CEP63: variants seen among roughly 807,000 people sequenced by gnomAD.
CEP63 encodes the protein centrosomal protein 63, also known as centrosomal protein of 63 kDa.
CEP63 carries 84 observed loss-of-function variants against 89.1 expected under a neutral mutation model. That is an observed-to-expected ratio of 0.94 (90% CI 0.79 to 1.13). The LOEUF (loss-of-function observed/expected upper bound fraction) is 1.13, where lower values mean the gene tolerates loss of function less well. Ranked by LOEUF, CEP63 falls within the 50% of genes most tolerant of loss-of-function variation. The pLI is 0.00. For synonymous variants in CEP63, 267 were observed against 272.5 expected (o/e 0.98, Z 0.20); for missense variants, 838 against 813.3 (o/e 1.03, Z -0.37).
chr3:134,761,634 G>A, the CEP63 span, among the ~76,000 whole-genome samples: 13,143 of 152,292 alleles, frequency 0.086, 837 homozygotes, highest in South Asian at 0.29. Flanking sequence ...AGAGTGCACT[G>A]GGATGGCTCT....
At chr3:134,734,694 A>T in the CEP63 span, among the ~76,000 whole-genome samples, 2 of 152,218 alleles carry the variant, frequency 1.3e-5, no homozygotes, top group African/African-American at 4.8e-5. Flanking sequence ...TCTGATAATC[A>T]TTGAAGTTCA....
chr3:134,607,072 C>T, the CEP63 span: 8 of 985,210 alleles, frequency 8.1e-6, no homozygotes, highest in African/African-American at 1.4e-4. Flanking sequence ...ATTTTTATGT[C>T]TCTTAAAAAG....
chr3:134,598,261 T>C, the CEP63 span, among the ~76,000 whole-genome samples: 6 of 152,344 alleles, frequency 3.9e-5, no homozygotes, highest in East Asian at 1.2e-3. Flanking sequence ...CTGGGGCCTT[T>C]GTGCATTTTT....
Position 134,561,480 on chromosome 3 carries a change from A to T in CEP63, c.2057A>T (p.Glu686Val). 2 of 1,614,036 alleles carry T rather than the reference A, an allele frequency of 1.2e-6. No individual in the cohort carries two copies. The highest frequency in any genetic ancestry group is 4.5e-5 in the East Asian group (2 of 44,836). Residue 686 changes from glutamate to valine, a missense_variant, in exon 15 of 15, where the codon GAA (glutamate) becomes GTA (valine). Coordinates refer to ENST00000675561, the MANE Select transcript of CEP63 (RefSeq NM_001353108.3). ...CTAGAGCGCTTGGATGCCCATATTG[A>T]AGAACTAAAAAGAGAGAGTGAAAAG... ...HILERLDAHI[E>V]ELKRESEKTV...
chr3:134,650,122 C>T, the CEP63 span, among the ~76,000 whole-genome samples: 2 of 152,270 alleles, frequency 1.3e-5, no homozygotes, highest in East Asian at 1.9e-4. Context: ...CAGAGAGGCC[C>T]GGATCCTGCT....
intron 6 of CEP63, among the ~76,000 whole-genome samples, 197 bp downstream of exon 6, chr3:134,537,465 C>CA (rs1950993599): frequency 1.3e-5 from 2 of 152,142 alleles, no homozygotes; most frequent in South Asian, 4.1e-4. Flanking sequence ...TGCGTGCATT[C>CA]ACTCTCCTGT....
chr3:134,759,919 C>T, the CEP63 span, among the ~76,000 whole-genome samples: 1 of 152,242 alleles, frequency 6.6e-6, no homozygotes, highest in East Asian at 1.9e-4. Flanking sequence ...AGATGAAAAA[C>T]CAGAGCACAG....
At chr3:134,541,489 TAAATG>T (rs1446953727) in intron 6 of CEP63, among the ~76,000 whole-genome samples, 2 of 151,126 alleles carry the variant, frequency 1.3e-5, no homozygotes, top group African/African-American at 4.9e-5. Context: ...TATGGAATGA[TAAATG>T]AACGATACTA....
At chr3:134,656,764 G>A in the CEP63 span, among the ~76,000 whole-genome samples, 2 of 152,146 alleles carry the variant, frequency 1.3e-5, no homozygotes, top group East Asian at 1.9e-4. Flanking sequence ...GAAGGGCCAC[G>A]CCCCAGCTCA....
chr3:134,575,943 G>T (rs570021694), downstream of CEP63, among the ~76,000 whole-genome samples: 16 of 152,156 alleles, frequency 1.1e-4, no homozygotes, highest in African/African-American at 3.9e-4. Context: ...TGCAAAGATT[G>T]TATTAGAAGT....
At chr3:134,485,790 C>A, upstream of CEP63, 1 of 180,406 alleles carries the variant, frequency 5.5e-6, no homozygotes, top group Non-Finnish European at 1.1e-5. Context: ...CTGGGGGTGC[C>A]ACGCAAGTCC....
At chr3:134,768,023 G>C in the CEP63 span, among the ~76,000 whole-genome samples, 1 of 152,234 alleles carries the variant, frequency 6.6e-6, no homozygotes, top group Admixed American at 6.5e-5. Flanking sequence ...TAGAGTGTCA[G>C]AGTGTGCTCT....
chr3:134,625,224 G>A, the CEP63 span: 1 of 994,322 alleles, frequency 1.0e-6, no homozygotes, highest in Non-Finnish European at 1.6e-6. Context: ...GAGGAGCTGT[G>A]ACTGTCCAAC....
At chr3:134,681,792 G>A in the CEP63 span, among the ~76,000 whole-genome samples, 1 of 152,226 alleles carries the variant, frequency 6.6e-6, no homozygotes, top group African/African-American at 2.4e-5. Flanking sequence ...ATTTCACGTG[G>A]ATGATCTCAT....
chr3:134,676,440 C>T, the CEP63 span, among the ~76,000 whole-genome samples: 1 of 152,048 alleles, frequency 6.6e-6, no homozygotes, highest in Non-Finnish European at 1.5e-5. Context: ...GGAAAAATGG[C>T]GGAGTGACTG....
At chr3:134,765,840 G>A in the CEP63 span, among the ~76,000 whole-genome samples, 1 of 152,140 alleles carries the variant, frequency 6.6e-6, no homozygotes, top group Non-Finnish European at 1.5e-5. Flanking sequence ...TGGGGGTGAG[G>A]CCCAATCCGT....
the CEP63 span, among the ~76,000 whole-genome samples, chr3:134,762,230 G>A: frequency 6.6e-6 from 1 of 152,154 alleles, no homozygotes; most frequent in Non-Finnish European, 1.5e-5. Context: ...GAGAGGAAAA[G>A]TGCGTGTCTT....
the CEP63 span, among the ~76,000 whole-genome samples, chr3:134,718,627 C>T: frequency 1.3e-5 from 2 of 152,176 alleles, no homozygotes; most frequent in Admixed American, 1.3e-4. Context: ...CCTGAATTTT[C>T]ACTTCTTCAT....
At chr3:134,618,777 C>T in the CEP63 span, among the ~76,000 whole-genome samples, 83 of 152,308 alleles carry the variant, frequency 5.4e-4, no homozygotes, top group African/African-American at 1.9e-3. Flanking sequence ...TGTGTCAGCC[C>T]TGAGGACAGC....
Sources: gnomAD v4.1 joint callset for allele counts (sites outside exome capture counted in the v4.1 genomes callset) on GRCh38, gnomAD v4.1.1 for gene constraint, MANE v1.5 for transcripts, NCBI Gene and HGNC (gene_info 2026-07-23, HGNC 2026-07-21) for gene names.